The following KPNB1 variants were observed in gnomAD, a reference collection of about 807,000 sequenced individuals.
The protein encoded by KPNB1 is importin subunit beta-1.
Under a neutral mutation model 113.0 loss-of-function variants are expected in KPNB1, and 7 were observed. The observed-to-expected ratio is 0.06, with a 90% CI of 0.04 to 0.12. KPNB1 has a LOEUF of 0.12. Among genes scored for constraint, KPNB1 ranks in the 10% least tolerant of loss-of-function variants. The probability of loss-of-function intolerance (pLI) is 1.00; values close to 1 mark genes in which losing one functional copy is unlikely to be tolerated. For synonymous variants in KPNB1, 363 were observed against 378.6 expected (o/e 0.96, Z 0.48); for missense variants, 400 against 1,054.8 (o/e 0.38, Z 8.60).
intron 2 of KPNB1, among the ~76,000 whole-genome samples, chr17:47,650,733 G>T (rs552514457): frequency 6.6e-6 from 1 of 152,202 alleles, no homozygotes; most frequent in Non-Finnish European, 1.5e-5. Context: ...GGGAGAAAGA[G>T]GGAGGGAAGG....
intron 16 of KPNB1, 118 bp from the exon 17 acceptor site, chr17:47,676,902 G>A (rs1188749534): frequency 1.7e-5 from 12 of 700,820 alleles, no homozygotes; most frequent in Middle Eastern, 2.6e-4. Flanking sequence ...AATTAATCTC[G>A]GCAGAGGGAT....
rs1915502900 is a variant in KPNB1 at position 47,650,382 on chromosome 17, C to A, written c.41-4C>A. On this transcript the variant is annotated splice_polypyrimidine_tract_variant and splice_region_variant and intron_variant, in intron 1 of 21. Coordinates refer to ENST00000290158, the MANE Select transcript of KPNB1 (RefSeq NM_002265.6). ...CGCTCCGTCTCCCACTTTCCTCCCCCTAGATCGGCTGGAGCTGGAAGCGGC... is the reference window on the plus strand; with the variant it reads ...CGCTCCGTCTCCCACTTTCCTCCCCATAGATCGGCTGGAGCTGGAAGCGGC... The A allele has an allele frequency of 6.2e-7, 1 of 1,611,856 alleles. No individual in the cohort carries two copies. The highest frequency in any genetic ancestry group is 1.3e-5 in the African/African-American group (1 of 74,822).
chr17:47,658,498 C>G lies in KPNB1; in HGVS notation c.484-10C>G. ...ACTGTATATTCATTGCACTTCTCTGCTTGTTACAGGACCCAGAGCAGCTAC... is the reference window on the plus strand; with the variant it reads ...ACTGTATATTCATTGCACTTCTCTGGTTGTTACAGGACCCAGAGCAGCTAC... On this transcript the variant is annotated splice_polypyrimidine_tract_variant and intron_variant, in intron 4 of 21. Transcript: ENST00000290158. The G allele has an allele frequency of 6.2e-7, 1 of 1,610,766 alleles. No individual in the cohort carries two copies. The highest frequency in any genetic ancestry group is 8.5e-7 in the Non-Finnish European group (1 of 1,179,444).
chr17:47,677,230 C>A, intron 17 of KPNB1, 103 bp downstream of exon 17: 1 of 942,082 alleles, frequency 1.1e-6, no homozygotes, highest in Non-Finnish European at 1.6e-6. Flanking sequence ...GGCCTGTAAT[C>A]CCAGCATTTT....
At chr17:47,665,902 C>CT (rs2030252435) in intron 9 of KPNB1, among the ~76,000 whole-genome samples, 1 of 152,168 alleles carries the variant, frequency 6.6e-6, no homozygotes, top group Non-Finnish European at 1.5e-5. Context: ...TGCATCATTT[C>CT]TTTGTACACA....
chr17:47,674,201 A>G (rs937465374), intron 14 of KPNB1, among the ~76,000 whole-genome samples: 1 of 152,210 alleles, frequency 6.6e-6, no homozygotes, highest in African/African-American at 2.4e-5. Flanking sequence ...GTTTGATTTT[A>G]TCAAGTTTAT....
chr17:47,658,770 C>CT (rs1216365037), intron 5 of KPNB1, 110 bp downstream of exon 5: 14 of 878,306 alleles, frequency 1.6e-5, no homozygotes, highest in Non-Finnish European at 2.1e-5. Flanking sequence ...GTACCACCTA[C>CT]TTAAAAGTAT....
intron 3 of KPNB1, among the ~76,000 whole-genome samples, chr17:47,654,790 G>A (rs1047671636): frequency 2.0e-4 from 31 of 152,180 alleles, no homozygotes; most frequent in African/African-American, 7.2e-4. Flanking sequence ...TGTACTAGGA[G>A]ACTATGTAGT....
chr17:47,664,317 C>T (rs1327006588), intron 8 of KPNB1, 48 bp downstream of exon 8: 6 of 1,193,224 alleles, frequency 5.0e-6, no homozygotes, highest in Admixed American at 1.7e-5. Flanking sequence ...GGACATATCT[C>T]ATTTGTGGAT....
rs75855450 is a variant in KPNB1 at position 47,658,272 on chromosome 17, A to T, written c.484-236A>T. Among the ~76,000 whole-genome samples, 1,082 of 152,290 alleles carry T rather than the reference A, an allele frequency of 7.1e-3. 15 individuals carry two copies. Among genetic ancestry groups the T allele is most frequent in the African/African-American group, 0.023 (956 of 41,556 alleles). Reference sequence around the variant, plus strand: ...CCCATATACTTTAAATCATCTCTAGAATACTTACAATACCTAATTCAATGT... The same window carrying T: ...CCCATATACTTTAAATCATCTCTAGTATACTTACAATACCTAATTCAATGT... On this transcript the variant is annotated intron_variant, in intron 4 of 21. Coordinates refer to ENST00000290158, the MANE Select transcript of KPNB1 (RefSeq NM_002265.6).
intron 2 of KPNB1, among the ~76,000 whole-genome samples, chr17:47,650,945 A>G (rs1457684253): frequency 6.6e-6 from 1 of 151,946 alleles, no homozygotes; most frequent in Non-Finnish European, 1.5e-5. Flanking sequence ...GTCTGTACTC[A>G]TGGCCAGGCC....
chr17:47,673,591 C>A, intron 14 of KPNB1, 30 bp downstream of exon 14: 1 of 1,519,366 alleles, frequency 6.6e-7, no homozygotes, highest in Non-Finnish European at 9.1e-7. Flanking sequence ...CTTAATAACT[C>A]CAGGTTGGAG....
Position 47,650,164 on chromosome 17 carries a change from A to T in KPNB1, c.-81A>T, listed in dbSNP as rs1452198990. 6 of 561,532 alleles carry T rather than the reference A, an allele frequency of 1.1e-5. No individual in the cohort carries two copies. The highest frequency in any genetic ancestry group is 1.3e-5 in the Non-Finnish European group (6 of 473,374). The allele number at this position is 561,532 out of a possible 1,614,324, so 34.8% of individuals were successfully genotyped here. A position where few individuals can be genotyped will look rare whatever the true frequency, so the allele number is the denominator to read the frequency against. On this transcript the variant is annotated 5_prime_UTR_variant, in exon 1 of 22. Transcript: ENST00000290158. The stretch of plus-strand genomic sequence containing the variant: ...ACCCTCCCTTCCCACCCGACCCCCA[A>T]CCCCCATCCCCAGTTCGAGCCGCCG...
At chr17:47,674,879 C>T (rs1216797150) in intron 15 of KPNB1, 97 bp downstream of exon 15, 13 of 1,268,640 alleles carry the variant, frequency 1.0e-5, no homozygotes, top group East Asian at 4.8e-5. Context: ...TGCAGTGGCA[C>T]GATCTTGGCG....
intron 11 of KPNB1, 73 bp downstream of exon 11, chr17:47,669,942 A>G: frequency 2.7e-6 from 3 of 1,127,430 alleles, no homozygotes; most frequent in Non-Finnish European, 4.0e-6. Context: ...GGTGTGGGAG[A>G]GAAATCAATC....
At chr17:47,656,747 T>C (rs1354839651) in intron 3 of KPNB1, 113 bp from the exon 4 acceptor site, 89 of 1,055,044 alleles carry the variant, frequency 8.4e-5, no homozygotes, top group Non-Finnish European at 1.2e-4. Flanking sequence ...GACCCTGTCT[T>C]AAGAAAGAAA....
At chr17:47,668,666 C>T (rs1285542738) in intron 10 of KPNB1, among the ~76,000 whole-genome samples, 1 of 152,142 alleles carries the variant, frequency 6.6e-6, no homozygotes, top group Non-Finnish European at 1.5e-5. Flanking sequence ...CCACTCTTAA[C>T]TCTGTATTTA....
rs2030853829 is a variant in KPNB1 at position 47,683,391 on chromosome 17, AT to A, written c.*988del. The A allele has an allele frequency of 6.6e-6, 1 of 152,398 alleles. No homozygotes were observed. Among genetic ancestry groups the A allele is most frequent in the Non-Finnish European group, 1.5e-5 (1 of 68,016 alleles). The allele number at this position is 152,398 out of a possible 1,614,324, so 9.4% of individuals were successfully genotyped here. Reference sequence around the variant, plus strand: ...TAACGCAGACTTCAAAAACAAAAAAATCACAACCCAAACAAACCAAAATTTA... The same window carrying A: ...TAACGCAGACTTCAAAAACAAAAAAACACAACCCAAACAAACCAAAATTTA... On this transcript the variant is annotated 3_prime_UTR_variant, in exon 22 of 22. Coordinates refer to ENST00000290158, the MANE Select transcript of KPNB1 (RefSeq NM_002265.6).
intron 9 of KPNB1, among the ~76,000 whole-genome samples, chr17:47,667,416 T>C (rs141313069): frequency 0.011 from 1,601 of 148,904 alleles, 27 homozygotes; most frequent in African/African-American, 0.036. Context: ...CATGAGCCAC[T>C]GCACTGCACC....
Sources: allele counts gnomAD v4.1 joint callset (sites outside exome capture counted in the v4.1 genomes callset), GRCh38; gene constraint gnomAD v4.1.1; transcripts MANE v1.5; gene names NCBI Gene and HGNC (gene_info 2026-07-23, HGNC 2026-07-21).